The following SLC39A10 variants were observed in gnomAD, a reference collection of about 807,000 sequenced individuals.
SLC39A10 encodes the protein solute carrier family 39 member 10.
SLC39A10 carries 13 observed loss-of-function variants against 65.1 expected under a neutral mutation model. The observed-to-expected ratio is 0.20, with a 90% CI of 0.13 to 0.32. SLC39A10 has a LOEUF of 0.32. SLC39A10 is among the 10% of genes least tolerant of loss of function. SLC39A10 has a pLI of 1.00. For synonymous variants in SLC39A10, 321 were observed against 342.2 expected (o/e 0.94, Z 0.68); for missense variants, 831 against 1,018.4 (o/e 0.82, Z 2.50).
At position 195,736,794 on chromosome 2, in the gene SLC39A10, T is replaced by C. The variant is rs1692626074; in HGVS notation, c.*1753T>C. On this transcript the variant is annotated 3_prime_UTR_variant, in exon 10 of 10. Coordinates refer to ENST00000359634, the MANE Select transcript of SLC39A10 (RefSeq NM_020342.3). ...AGCATTGGGCACTGAATTAGGACAG[T>C]CCTCATCTCATTGCTTGGCCCTTCA... is the stretch of plus-strand genomic sequence containing the variant. 6.6e-6 allele frequency: 1 copy of C among 152,626 alleles called. No homozygotes were observed. Among genetic ancestry groups the C allele is most frequent in the African/African-American group, 2.4e-5 (1 of 41,456 alleles). The allele number at this position is 152,626 out of a possible 1,614,324, so 9.5% of individuals were successfully genotyped here.
chr2:195,694,716 G>A (rs1211301151), intron 3 of SLC39A10, among the ~76,000 whole-genome samples: 1 of 152,198 alleles, frequency 6.6e-6, no homozygotes, highest in African/African-American at 2.4e-5. Flanking sequence ...CTCTGGTTTT[G>A]TGTTGGTTGG....
rs145627858 is a variant in SLC39A10 at position 195,681,082 on chromosome 2, C to T, written c.1008+32C>T. On this transcript the variant is annotated intron_variant, in intron 2 of 9. Coordinates refer to ENST00000359634, the MANE Select transcript of SLC39A10 (RefSeq NM_020342.3). ...ATAAAAAGATGTCCGATAGCTGCTT[C>T]GTAATTCTCACATAATTGTGGTGCA... The T allele has an allele frequency of 1.7e-4, 269 of 1,562,364 alleles. 1 individual carries two copies. In the African/African-American group the frequency reaches 2.0e-3, roughly 12 times the overall value.
At chr2:195,698,038 G>T (rs921288730) in intron 3 of SLC39A10, among the ~76,000 whole-genome samples, 7 of 152,212 alleles carry the variant, frequency 4.6e-5, no homozygotes, top group African/African-American at 1.7e-4. Context: ...ATATAAAAAT[G>T]CAACTGATTT....
chr2:195,657,849 C>T (rs569840325), intron 1 of SLC39A10, among the ~76,000 whole-genome samples: 1 of 152,326 alleles, frequency 6.6e-6, no homozygotes, highest in East Asian at 1.9e-4. Flanking sequence ...CTCGGCACCG[C>T]TGTTCCGGAC....
chr2:195,616,275 T>G (rs926262752), intron 2 of SLC39A10, among the ~76,000 whole-genome samples: 1 of 151,432 alleles, frequency 6.6e-6, no homozygotes, highest in African/African-American at 2.4e-5. Flanking sequence ...GATTTTAAAC[T>G]GATATTTTAA....
chr2:195,664,376 A>G (rs1689549538), intron 1 of SLC39A10, among the ~76,000 whole-genome samples: 1 of 152,030 alleles, frequency 6.6e-6, no homozygotes, highest in African/African-American at 2.4e-5. Context: ...TTAAAAAAAA[A>G]TAAGAAAATA....
At chr2:195,640,513 G>A (rs746826849) in intron 2 of SLC39A10, among the ~76,000 whole-genome samples, 6 of 151,978 alleles carry the variant, frequency 3.9e-5, no homozygotes, top group Non-Finnish European at 7.4e-5. Flanking sequence ...TAAACAGGGA[G>A]TAATGTAAAC....
intron 2 of SLC39A10, among the ~76,000 whole-genome samples, chr2:195,648,162 T>C (rs1172194380): frequency 2.0e-5 from 3 of 152,090 alleles, no homozygotes; most frequent in African/African-American, 7.2e-5. Flanking sequence ...CCATCTAATT[T>C]TTAAAACAAT....
Position 195,718,307 on chromosome 2 carries a change from C to T in SLC39A10, c.2121C>T (p.Phe707=), listed in dbSNP as rs1691895257. The T allele has an allele frequency of 6.2e-7, 1 of 1,607,396 alleles. No homozygotes were observed. The highest frequency in any genetic ancestry group is 8.5e-7 in the Non-Finnish European group (1 of 1,175,222). Residue 707 remains phenylalanine, a synonymous_variant, in exon 8 of 10, where the codon TTC becomes TTT. Transcript: ENST00000359634. ...GAATCAGTACTTCTATAGCCGTCTT[C>T]TGTCATGAACTGCCACATGAATTAG... is the stretch of plus-strand genomic sequence containing the variant. ...TGGISTSIAV[F]CHELPHELGD...
In SLC39A10 at chr2:195,716,812, TGCACATAA is replaced by T; in HGVS notation, c.1873_1880del (p.Ala625ProfsTer13). Reference sequence around the variant, plus strand: ...TTCATGAGCATGATCTCCATGCTGCTGCACATAACCACCACGGCGAGAACAAAACTGTG... The same window carrying T: ...TTCATGAGCATGATCTCCATGCTGCTCCACCACGGCGAGAACAAAACTGTG... On this transcript the variant is annotated frameshift_variant, in exon 7 of 10. Coordinates refer to ENST00000359634, the MANE Select transcript of SLC39A10 (RefSeq NM_020342.3). LOFTEE classifies it high-confidence loss of function. 1 of 1,614,222 alleles carries T rather than the reference TGCACATAA, an allele frequency of 6.2e-7. No homozygotes were observed. Among genetic ancestry groups the T allele is most frequent in the Non-Finnish European group, 8.5e-7 (1 of 1,180,024 alleles).
At chr2:195,653,988 G>T (rs1026585161), upstream of SLC39A10, among the ~76,000 whole-genome samples, 2 of 152,100 alleles carry the variant, frequency 1.3e-5, no homozygotes, top group African/African-American at 4.8e-5. Flanking sequence ...GCCCAGGCTG[G>T]AGTGCAATGG....
At position 195,719,776 on chromosome 2, in the gene SLC39A10, G is replaced by A. The variant is rs140388680; in HGVS notation, c.2146+1444G>A. 0.019 allele frequency among the ~76,000 whole-genome samples: 2,865 copies of A among 149,754 alleles called. 232 individuals are homozygous for A. The East Asian group carries it at 0.26, about 14-fold the overall frequency. ...TGGGACTACAGGCATGGGCCACTAC[G>A]CCTGGCTAATTTTTGTTTTTTTTTT... is the stretch of plus-strand genomic sequence containing the variant. On this transcript the variant is annotated intron_variant, in intron 8 of 9. Transcript: ENST00000359634.
At chr2:195,692,547 T>C (rs1690786436) in intron 3 of SLC39A10, among the ~76,000 whole-genome samples, 1 of 152,210 alleles carries the variant, frequency 6.6e-6, no homozygotes, top group East Asian at 1.9e-4. Context: ...GTTTTCCTTA[T>C]AGAGGTCTTT....
chr2:195,657,510 T>A, intron 1 of SLC39A10: 1 of 985,412 alleles, frequency 1.0e-6, no homozygotes. Flanking sequence ...GCGCCGCGGC[T>A]CCTCGTGTGC....
chr2:195,617,455 G>C (rs893988075), intron 2 of SLC39A10, among the ~76,000 whole-genome samples: 2 of 151,960 alleles, frequency 1.3e-5, no homozygotes, highest in South Asian at 2.1e-4. Context: ...CCAGCTACTC[G>C]GGAGGCTGAT....
At chr2:195,715,525 C>CAAAAAAAAA (rs545656309) in intron 6 of SLC39A10, among the ~76,000 whole-genome samples, 4 of 61,592 alleles carry the variant, frequency 6.5e-5, no homozygotes, top group African/African-American at 1.1e-4. Flanking sequence ...GACTCTGTCT[C>CAAAAAAAAA]AAAAAAAAAA....
rs1019045804 is a variant in SLC39A10, at chr2:195,711,350, A to G, written c.1576-2083A>G. On this transcript the variant is annotated intron_variant, in intron 5 of 9. Coordinates refer to ENST00000359634, the MANE Select transcript of SLC39A10 (RefSeq NM_020342.3). ...CTGGTGCTTATACATTTATTTTTGC[A>G]AAGAAAACTGATACAAGAATGGAGT... Among the ~76,000 whole-genome samples the G allele has an allele frequency of 3.3e-5, 5 of 152,150 alleles. No individual in the cohort carries two copies. In the East Asian group the frequency reaches 9.6e-4, roughly 29 times the overall value.
At chr2:195,616,419 G>C (rs543183296) in intron 2 of SLC39A10, among the ~76,000 whole-genome samples, 1 of 152,142 alleles carries the variant, frequency 6.6e-6, no homozygotes, top group Non-Finnish European at 1.5e-5. Flanking sequence ...TGGTTCTCCT[G>C]CCTCAGCCTC....
chr2:195,694,907 G>T (rs149910897), intron 3 of SLC39A10, among the ~76,000 whole-genome samples: 167 of 152,316 alleles, frequency 1.1e-3, no homozygotes, highest in Admixed American at 3.3e-3. Flanking sequence ...TAGGCTCGCA[G>T]ATGGGGTCTG....
Sources: gnomAD v4.1 joint callset for allele counts (sites outside exome capture counted in the v4.1 genomes callset) on GRCh38, gnomAD v4.1.1 for gene constraint, MANE v1.5 for transcripts, NCBI Gene and HGNC (gene_info 2026-07-23, HGNC 2026-07-21) for gene names.